Variants in TMEM14A observed in about 807,000 individuals in gnomAD.
The protein encoded by TMEM14A is transmembrane protein 14A.
A neutral mutation model predicts 11.6 loss-of-function variants in TMEM14A; 8 were observed. That is an observed-to-expected ratio of 0.69 (90% CI 0.40 to 1.24). The LOEUF is 1.24. TMEM14A is among the 50% of genes most tolerant of loss of function. The pLI is 0.01. For synonymous variants in TMEM14A, 34 were observed against 45.5 expected (o/e 0.75, Z 1.02); for missense variants, 108 against 121.9 (o/e 0.89, Z 0.54).
intron 1 of TMEM14A, among the ~76,000 whole-genome samples, chr6:52,673,030 TTTTCA>T (rs1304248136): frequency 6.6e-6 from 1 of 152,194 alleles, no homozygotes; most frequent in Non-Finnish European, 1.5e-5. Context: ...CCCCTTGCAC[TTTTCA>T]TTTTGAGAAC....
At chr6:52,672,457 G>A (rs1233090783) in intron 1 of TMEM14A, among the ~76,000 whole-genome samples, 1 of 149,438 alleles carries the variant, frequency 6.7e-6, no homozygotes, top group African/African-American at 2.6e-5. Context: ...AGATCTGTAT[G>A]TAAGGGTGTT....
At chr6:52,683,472 AACAACAACAAC>A (rs1769429069) in intron 3 of TMEM14A, among the ~76,000 whole-genome samples, 2 of 109,334 alleles carry the variant, frequency 1.8e-5, no homozygotes, top group African/African-American at 7.6e-5. Context: ...CAACAACAAC[AACAACAACAAC>A]AAAAAAAAAA....
chr6:52,671,245 G>C lies in TMEM14A; in HGVS notation c.-17G>C, dbSNP rs1769154883. On this transcript the variant is annotated splice_region_variant and 5_prime_UTR_variant, in exon 1 of 5. Coordinates refer to ENST00000211314, the MANE Select transcript of TMEM14A (RefSeq NM_014051.4). ...GCTGCAGTGAAGGCTCGGGGCTGCA[G>C]GTGAGCTGTGCATCCCGCAATGGAG... 1 of 152,282 alleles carries C rather than the reference G, an allele frequency of 6.6e-6. No individual in the cohort carries two copies. Among genetic ancestry groups the C allele is most frequent in the Non-Finnish European group, 1.5e-5 (1 of 68,066 alleles). The allele number at this position is 152,282 out of a possible 1,614,324, so 9.4% of individuals were successfully genotyped here.
intron 2 of TMEM14A, among the ~76,000 whole-genome samples, chr6:52,680,167 GAACAGCATATAA>G (rs1769337462): frequency 6.6e-6 from 1 of 151,852 alleles, no homozygotes; most frequent in African/African-American, 2.4e-5. Context: ...TTCAATCCAT[GAACAGCATATAA>G]ACATATGATC....
At chr6:52,675,786 G>A (rs1338276344) in intron 1 of TMEM14A, among the ~76,000 whole-genome samples, 1 of 152,358 alleles carries the variant, frequency 6.6e-6, no homozygotes, top group East Asian at 1.9e-4. Flanking sequence ...ACATCCATCT[G>A]TAAAGAATGA....
intron 1 of TMEM14A, among the ~76,000 whole-genome samples, chr6:52,675,157 A>G (rs1769232511): frequency 6.6e-6 from 1 of 152,192 alleles, no homozygotes; most frequent in Non-Finnish European, 1.5e-5. Flanking sequence ...TGCTGGGATT[A>G]CAGGCGTGAG....
chr6:52,672,964 G>C (rs1769189675), intron 1 of TMEM14A, among the ~76,000 whole-genome samples: 1 of 152,114 alleles, frequency 6.6e-6, no homozygotes, highest in Non-Finnish European at 1.5e-5. Flanking sequence ...CCCTTTACGG[G>C]GCTTATGTGG....
chr6:52,678,855 C>T (rs1769311058), intron 2 of TMEM14A, among the ~76,000 whole-genome samples: 1 of 152,140 alleles, frequency 6.6e-6, no homozygotes, highest in African/African-American at 2.4e-5. Context: ...AGGCATAATA[C>T]CTTTTTCTAG....
intron 1 of TMEM14A, among the ~76,000 whole-genome samples, chr6:52,674,618 C>T (rs1425740592): frequency 1.3e-5 from 2 of 152,088 alleles, no homozygotes; most frequent in South Asian, 2.1e-4. Flanking sequence ...AACATTATAA[C>T]CTCTTTATTA....
intron 1 of TMEM14A, among the ~76,000 whole-genome samples, chr6:52,676,073 GAA>G (rs1769252294): frequency 6.6e-6 from 1 of 152,218 alleles, no homozygotes; most frequent in African/African-American, 2.4e-5. Context: ...ACAGTTCAGT[GAA>G]GAGACCTGGC....
intron 2 of TMEM14A, among the ~76,000 whole-genome samples, chr6:52,680,704 T>TATATATATACACACAC (rs371102796): frequency 7.2e-4 from 37 of 51,094 alleles, no homozygotes; most frequent in Non-Finnish European, 1.2e-3. Context: ...TATATATATA[T>TATATATATACACACAC]ACACATATAT....
Position 52,681,907 on chromosome 6 carries a change from G to C in TMEM14A, c.165G>C (p.Val55=). 1 of 1,613,968 alleles carries C rather than the reference G, an allele frequency of 6.2e-7. No homozygotes were observed. The highest frequency in any genetic ancestry group is 8.5e-7 in the Non-Finnish European group (1 of 1,179,918). The change falls in exon 3 of 5, where the codon GTG becomes GTC. Residue 55 remains valine, a synonymous_variant. Transcript: ENST00000211314. ...RVSNDKRDVK[V]SLFTAFFLAT... ...CCAATGACAAACGAGATGTAAAAGTGTCACTGTGTAAGTAAGGCATTTTTC... is the reference window on the plus strand; with the variant it reads ...CCAATGACAAACGAGATGTAAAAGTCTCACTGTGTAAGTAAGGCATTTTTC...
intron 3 of TMEM14A, among the ~76,000 whole-genome samples, chr6:52,683,559 T>C (rs1769434568): frequency 6.6e-6 from 1 of 152,200 alleles, no homozygotes; most frequent in Non-Finnish European, 1.5e-5. Flanking sequence ...CATGTTTGTT[T>C]ACCCAGAAAC....
At chr6:52,680,341 C>T (rs1769341090) in intron 2 of TMEM14A, among the ~76,000 whole-genome samples, 1 of 151,418 alleles carries the variant, frequency 6.6e-6, no homozygotes, top group South Asian at 2.1e-4. Context: ...TGTCTGAAAG[C>T]CATGACGAAT....
intron 4 of TMEM14A, among the ~76,000 whole-genome samples, chr6:52,685,579 C>T (rs1467951469): frequency 1.4e-5 from 2 of 143,860 alleles, no homozygotes; most frequent in Non-Finnish European, 3.1e-5. Flanking sequence ...AGTGAGACTC[C>T]ATCAGAAAAA....
At chr6:52,674,021 G>A (rs909117820) in intron 1 of TMEM14A, among the ~76,000 whole-genome samples, 16 of 152,140 alleles carry the variant, frequency 1.1e-4, no homozygotes, top group African/African-American at 3.4e-4. Flanking sequence ...GTGCTTTACA[G>A]TATTAAATCA....
chr6:52,685,680 A>G (rs527694601), intron 4 of TMEM14A, among the ~76,000 whole-genome samples: 3 of 152,242 alleles, frequency 2.0e-5, no homozygotes, highest in South Asian at 4.2e-4. Context: ...TGAATTAGTA[A>G]CTGCCCCAAG....
chr6:52,680,704 T>TATATATACATACACAC (rs371102796), intron 2 of TMEM14A, among the ~76,000 whole-genome samples: 3 of 51,108 alleles, frequency 5.9e-5, no homozygotes, highest in Non-Finnish European at 8.8e-5. Context: ...TATATATATA[T>TATATATACATACACAC]ACACATATAT....
rs1399817214 is a variant in TMEM14A at position 52,686,410 on chromosome 6, T to C, written c.*361T>C. On this transcript the variant is annotated 3_prime_UTR_variant, in exon 5 of 5. Coordinates refer to ENST00000211314, the MANE Select transcript of TMEM14A (RefSeq NM_014051.4). ...GAAGTCTTAAGTGGAGTTCACAGAA[T>C]GATAATGTATCTATTTGTCATTTGT... The C allele has an allele frequency of 2.6e-6, 1 of 386,728 alleles. No individual in the cohort carries two copies. Among genetic ancestry groups the C allele is most frequent in the Admixed American group, 4.4e-5 (1 of 22,486 alleles). The allele number at this position is 386,728 out of a possible 1,614,324, so 24.0% of individuals were successfully genotyped here.
Sources: gnomAD v4.1 joint callset for allele counts (sites outside exome capture counted in the v4.1 genomes callset) on GRCh38, gnomAD v4.1.1 for gene constraint, MANE v1.5 for transcripts, NCBI Gene and HGNC (gene_info 2026-07-23, HGNC 2026-07-21) for gene names.